TMEM132D: variants seen among roughly 807,000 people sequenced by gnomAD.
TMEM132D encodes mature OL transmembrane protein.
A neutral mutation model predicts 62.3 loss-of-function variants in TMEM132D; 21 were observed. The ratio of observed to expected loss-of-function variants is 0.34; its 90% CI spans 0.24 to 0.49. TMEM132D has a LOEUF of 0.49. Among genes scored for constraint, TMEM132D ranks in the 20% least tolerant of loss-of-function variants. The probability of loss-of-function intolerance (pLI) is 0.99; values close to 1 mark genes in which losing one functional copy is unlikely to be tolerated. For missense variants in TMEM132D, 1,346 were observed against 1,402.8 expected (o/e 0.96, Z 0.65); for synonymous variants, 621 against 575.6 (o/e 1.08, Z -1.13).
At chr12:129,899,438 G>A (rs983320426) in intron 1 of TMEM132D, among the ~76,000 whole-genome samples, 3 of 151,684 alleles carry the variant, frequency 2.0e-5, no homozygotes, top group African/African-American at 7.3e-5. Context: ...TGGATGGATG[G>A]GTGGATGGGT....
At chr12:129,384,733 AAC>A (rs1261923590) in intron 3 of TMEM132D, among the ~76,000 whole-genome samples, 1 of 152,156 alleles carries the variant, frequency 6.6e-6, no homozygotes, top group African/African-American at 2.4e-5. Context: ...TCTGCATTCA[AAC>A]ACAGTCTCCA....
intron 5 of TMEM132D, among the ~76,000 whole-genome samples, chr12:129,132,421 A>C (rs1389588588): frequency 6.6e-6 from 1 of 152,236 alleles, no homozygotes; most frequent in Non-Finnish European, 1.5e-5. Flanking sequence ...AACAAACAAA[A>C]AAATAGGCCA....
At chr12:129,423,945 C>A (rs1872401507) in intron 3 of TMEM132D, among the ~76,000 whole-genome samples, 1 of 152,094 alleles carries the variant, frequency 6.6e-6, no homozygotes, top group Non-Finnish European at 1.5e-5. Context: ...GTTAGGCTGC[C>A]CAGGTAGCTT....
At chr12:129,754,407 C>T (rs1254351857) in intron 1 of TMEM132D, among the ~76,000 whole-genome samples, 1 of 152,202 alleles carries the variant, frequency 6.6e-6, no homozygotes, top group East Asian at 1.9e-4. Context: ...GGCAACAACA[C>T]TCAGAATCTC....
chr12:129,717,172 G>A (rs1322573565), intron 1 of TMEM132D, among the ~76,000 whole-genome samples: 1 of 152,224 alleles, frequency 6.6e-6, no homozygotes, highest in South Asian at 2.1e-4. Context: ...CGACAGCCCT[G>A]CAAGGGAAGC....
intron 1 of TMEM132D, among the ~76,000 whole-genome samples, chr12:129,742,904 A>G (rs966050469): frequency 2.0e-5 from 3 of 152,242 alleles, no homozygotes; most frequent in African/African-American, 4.8e-5. Context: ...TTCTAGAATA[A>G]GAACCCACTG....
chr12:129,598,042 T>C (rs758379413), intron 2 of TMEM132D, among the ~76,000 whole-genome samples: 15 of 151,996 alleles, frequency 9.9e-5, no homozygotes, highest in Admixed American at 2.0e-4. Flanking sequence ...ATGACATACT[T>C]GCAAAAACAA....
intron 4 of TMEM132D, among the ~76,000 whole-genome samples, chr12:129,274,992 T>A (rs1880965605): frequency 6.6e-6 from 1 of 152,154 alleles, no homozygotes; most frequent in Non-Finnish European, 1.5e-5. Flanking sequence ...AAAAGTTGAG[T>A]CCATTGGCCA....
intron 2 of TMEM132D, among the ~76,000 whole-genome samples, chr12:129,682,675 C>G (rs1880807672): frequency 1.3e-5 from 2 of 151,878 alleles, no homozygotes; most frequent in African/African-American, 4.8e-5. Flanking sequence ...CTGGCTAACA[C>G]AGTGAAATCC....
At chr12:129,524,874 T>A (rs1457237402) in intron 3 of TMEM132D, among the ~76,000 whole-genome samples, 1 of 151,590 alleles carries the variant, frequency 6.6e-6, no homozygotes, top group Non-Finnish European at 1.5e-5. Flanking sequence ...AGTTCTCTGT[T>A]GTCCCTCATC....
intron 1 of TMEM132D, among the ~76,000 whole-genome samples, chr12:129,750,243 G>A (rs1244136260): frequency 6.6e-6 from 1 of 152,034 alleles, no homozygotes; most frequent in African/African-American, 2.4e-5. Flanking sequence ...CCGCCACCAC[G>A]CCTGGCTAAT....
At chr12:129,315,887 G>T (rs1432698795) in intron 4 of TMEM132D, among the ~76,000 whole-genome samples, 2 of 152,026 alleles carry the variant, frequency 1.3e-5, no homozygotes, top group Non-Finnish European at 2.9e-5. Context: ...AATTTTCCAG[G>T]AATTTACCCA....
At chr12:129,833,342 T>A (rs1247236720) in intron 1 of TMEM132D, among the ~76,000 whole-genome samples, 1 of 152,176 alleles carries the variant, frequency 6.6e-6, no homozygotes, top group African/African-American at 2.4e-5. Flanking sequence ...GGTTCATGCC[T>A]GTAATCCCAG....
At position 129,209,762 on chromosome 12, in the gene TMEM132D, C is replaced by A. The variant is rs189437544; in HGVS notation, c.1300-99G>T. ...CTTTCCTCAGCCTCCCTGCAAACAG[C>A]ACTGGCCTCTTCTGCAGGCTCAGAA... is the stretch of plus-strand genomic sequence containing the variant. On this transcript the variant is annotated intron_variant, in intron 4 of 8. Coordinates refer to ENST00000422113, the MANE Select transcript of TMEM132D (RefSeq NM_133448.3). The A allele has an allele frequency of 1.9e-4, 283 of 1,511,230 alleles. 1 individual carries two copies. In the African/African-American group the frequency reaches 3.3e-3, roughly 18 times the overall value. 93.6% of individuals were successfully genotyped at this position (1,511,230 alleles called of 1,614,324 possible).
chr12:129,720,623 G>T (rs1350385719), intron 1 of TMEM132D, among the ~76,000 whole-genome samples: 1 of 152,108 alleles, frequency 6.6e-6, no homozygotes, highest in East Asian at 1.9e-4. Flanking sequence ...GGCACAATCT[G>T]GTTTACAGAA....
At chr12:129,430,456 T>C (rs1423237821) in intron 3 of TMEM132D, among the ~76,000 whole-genome samples, 2 of 152,180 alleles carry the variant, frequency 1.3e-5, no homozygotes, top group Non-Finnish European at 2.9e-5. Flanking sequence ...TTTGAGTTCA[T>C]TATAGATTCT....
intron 4 of TMEM132D, among the ~76,000 whole-genome samples, chr12:129,227,491 G>C (rs1463325624): frequency 6.7e-6 from 1 of 149,522 alleles, no homozygotes; most frequent in Non-Finnish European, 1.5e-5. Flanking sequence ...ATGAGTTTAA[G>C]ACCTTAAGCC....
At chr12:129,703,540 C>T (rs1007265438) in intron 1 of TMEM132D, among the ~76,000 whole-genome samples, 66 of 151,360 alleles carry the variant, frequency 4.4e-4, no homozygotes, top group African/African-American at 1.5e-3. Flanking sequence ...CGAAGTAAAA[C>T]TCATTATCCT....
chr12:129,408,971 C>T (rs557039097), intron 3 of TMEM132D, among the ~76,000 whole-genome samples: 13 of 152,194 alleles, frequency 8.5e-5, no homozygotes, highest in Non-Finnish European at 1.6e-4. Flanking sequence ...CTTGCTCTTT[C>T]GCCCAGGCTG....
Sources: allele counts gnomAD v4.1 joint callset (sites outside exome capture counted in the v4.1 genomes callset), GRCh38; gene constraint gnomAD v4.1.1; transcripts MANE v1.5; gene names NCBI Gene and HGNC (gene_info 2026-07-23, HGNC 2026-07-21).